Variants in DYNC1I1 observed in about 807,000 individuals in gnomAD.
DYNC1I1 encodes dynein cytoplasmic 1 intermediate chain 1.
In DYNC1I1, 43 loss-of-function variants were observed where a neutral mutation model predicts 86.6. The observed-to-expected ratio is 0.50, with a 90% confidence interval of 0.39 to 0.64. The LOEUF is 0.64. Among genes scored for constraint, DYNC1I1 ranks in the 30% least tolerant of loss-of-function variants. The pLI is 0.00. For missense variants in DYNC1I1, 604 were observed against 788.8 expected (o/e 0.77, Z 2.81); for synonymous variants, 262 against 283.7 (o/e 0.92, Z 0.77).
intron 5 of DYNC1I1, among the ~76,000 whole-genome samples, chr7:95,861,379 C>T (rs1584102786): frequency 6.6e-6 from 1 of 152,178 alleles, no homozygotes; most frequent in Non-Finnish European, 1.5e-5. Flanking sequence ...CATACTAAAA[C>T]AAAATATTCA....
At chr7:95,820,448 G>A (rs1795049229) in intron 4 of DYNC1I1, among the ~76,000 whole-genome samples, 1 of 152,148 alleles carries the variant, frequency 6.6e-6, no homozygotes, top group African/African-American at 2.4e-5. Flanking sequence ...TTTTCTGTTT[G>A]GCACTATGCT....
intron 10 of DYNC1I1, among the ~76,000 whole-genome samples, chr7:96,020,641 A>G (rs1794523405): frequency 6.6e-6 from 1 of 152,204 alleles, no homozygotes; most frequent in African/African-American, 2.4e-5. Flanking sequence ...ATGATCTTGC[A>G]TTTCCACTTA....
intron 6 of DYNC1I1, among the ~76,000 whole-genome samples, chr7:95,892,387 T>C (rs1430746320): frequency 1.3e-5 from 2 of 151,936 alleles, no homozygotes; most frequent in East Asian, 1.9e-4. Context: ...CTCGGCTCAC[T>C]GCAAGCTCCA....
chr7:95,955,022 C>T (rs542543373), intron 6 of DYNC1I1, among the ~76,000 whole-genome samples: 3 of 151,900 alleles, frequency 2.0e-5, no homozygotes, highest in South Asian at 2.1e-4. Flanking sequence ...ATGTGCTCCC[C>T]GGAATGGGTC....
chr7:96,072,096 G>A (rs189378774), intron 14 of DYNC1I1, among the ~76,000 whole-genome samples: 1 of 152,164 alleles, frequency 6.6e-6, no homozygotes, highest in Non-Finnish European at 1.5e-5. Context: ...GATTTTATGC[G>A]GATTAAATTA....
intron 14 of DYNC1I1, 109 bp from the exon 15 acceptor site, chr7:96,075,947 CG>C: frequency 6.9e-7 from 1 of 1,443,532 alleles, no homozygotes; most frequent in Non-Finnish European, 9.3e-7. Flanking sequence ...ACTTTCATCT[CG>C]GGAAGTTTTA....
At chr7:95,866,223 A>G (rs546175073) in intron 5 of DYNC1I1, among the ~76,000 whole-genome samples, 2 of 152,320 alleles carry the variant, frequency 1.3e-5, no homozygotes, top group Admixed American at 6.5e-5. Flanking sequence ...GAGTGATTGT[A>G]TGGTACTTAA....
chr7:95,900,349 G>T (rs1327347058), intron 6 of DYNC1I1, among the ~76,000 whole-genome samples: 1 of 152,050 alleles, frequency 6.6e-6, no homozygotes, highest in Non-Finnish European at 1.5e-5. Flanking sequence ...AGGGTAGAAG[G>T]CTCTTTGGAA....
At chr7:95,819,896 C>T in intron 4 of DYNC1I1, among the ~76,000 whole-genome samples, 1 of 152,188 alleles carries the variant, frequency 6.6e-6, no homozygotes. Context: ...TATAGTAACA[C>T]AGTAAGCATC....
intron 6 of DYNC1I1, among the ~76,000 whole-genome samples, chr7:95,961,461 C>A (rs1792865116): frequency 6.6e-6 from 1 of 152,184 alleles, no homozygotes; most frequent in African/African-American, 2.4e-5. Flanking sequence ...GTGGTTTGCA[C>A]ACTTGATCCT....
At chr7:96,057,225 TG>T (rs1369693147) in intron 14 of DYNC1I1, among the ~76,000 whole-genome samples, 10 of 152,132 alleles carry the variant, frequency 6.6e-5, no homozygotes, top group Admixed American at 3.3e-4. Context: ...TTGAGGAGAA[TG>T]AGGAAAGTAT....
intron 6 of DYNC1I1, among the ~76,000 whole-genome samples, chr7:95,936,933 A>G (rs1584177041): frequency 7.2e-6 from 1 of 138,480 alleles, no homozygotes; most frequent in East Asian, 2.1e-4. Context: ...TTTGTCCACA[A>G]AGGAATGGAT....
intron 2 of DYNC1I1, among the ~76,000 whole-genome samples, chr7:95,806,822 C>T (rs944824263): frequency 6.6e-6 from 1 of 152,158 alleles, no homozygotes; most frequent in African/African-American, 2.4e-5. Flanking sequence ...TCTGTCCATG[C>T]ACTCTCTGCA....
At chr7:95,932,248 A>G (rs1016021533) in intron 6 of DYNC1I1, among the ~76,000 whole-genome samples, 10 of 152,210 alleles carry the variant, frequency 6.6e-5, no homozygotes, top group African/African-American at 2.4e-4. Flanking sequence ...CAGCAATAAA[A>G]ACTGGCAAAA....
chr7:95,784,178 T>G (rs1794068114), intron 1 of DYNC1I1, among the ~76,000 whole-genome samples: 1 of 151,962 alleles, frequency 6.6e-6, no homozygotes, highest in Non-Finnish European at 1.5e-5. Context: ...AGCTCTAGAG[T>G]GTCAATCTGG....
chr7:96,065,378 C>CT (rs34423655), intron 14 of DYNC1I1, among the ~76,000 whole-genome samples: 9,807 of 127,436 alleles, frequency 0.077, 589 homozygotes, highest in East Asian at 0.21. Flanking sequence ...TTCTTTCTTT[C>CT]TTTTTTTTTT....
chr7:95,840,240 A>G (rs1789243653), intron 5 of DYNC1I1, among the ~76,000 whole-genome samples: 1 of 151,766 alleles, frequency 6.6e-6, no homozygotes, highest in African/African-American at 2.4e-5. Flanking sequence ...AATTCTCTTA[A>G]TATATCTTCA....
At chr7:95,810,708 C>T (rs930958508) in intron 3 of DYNC1I1, among the ~76,000 whole-genome samples, 1 of 151,880 alleles carries the variant, frequency 6.6e-6, no homozygotes, top group African/African-American at 2.4e-5. Context: ...GTAGAATTGT[C>T]AGTAGTTTGG....
chr7:95,901,825 C>T (rs538448701), intron 6 of DYNC1I1, among the ~76,000 whole-genome samples: 11 of 152,268 alleles, frequency 7.2e-5, no homozygotes, highest in African/African-American at 2.4e-4. Context: ...ATAATTTAGG[C>T]TAAAAGACCA....
Sources: gnomAD v4.1 joint callset for allele counts (sites outside exome capture counted in the v4.1 genomes callset) on GRCh38, gnomAD v4.1.1 for gene constraint, MANE v1.5 for transcripts, NCBI Gene and HGNC (gene_info 2026-07-23, HGNC 2026-07-21) for gene names.